Variants in SZT2 observed in about 807,000 individuals in gnomAD.
SZT2 encodes KICSTOR complex protein SZT2.
A neutral mutation model predicts 404.2 loss-of-function variants in SZT2; 216 were observed. The observed-to-expected ratio is 0.53, with a 90% CI of 0.48 to 0.60. SZT2 has a LOEUF of 0.60. Ranked by LOEUF, SZT2 falls within the 20% of genes least tolerant of loss-of-function variation. SZT2 has a pLI of 0.00. For synonymous variants in SZT2, 1,693 were observed against 1,749.9 expected, an observed-to-expected ratio of 0.97 and a Z score of 0.81; for missense variants, 3,857 against 4,459.2, an observed-to-expected ratio of 0.86 and a Z score of 3.85.
At chr1:43,444,019 C>G (rs1655396426) in intron 62 of SZT2, among the ~76,000 whole-genome samples, 2 of 152,336 alleles carry the variant, frequency 1.3e-5, no homozygotes, top group South Asian at 4.1e-4. Context: ...CATGATGACA[C>G]TCATACAAAA....
At chr1:43,421,124 C>A in intron 10 of SZT2, 50 bp from the exon 11 acceptor site, 1 of 1,597,334 alleles carries the variant, frequency 6.3e-7, no homozygotes, top group Non-Finnish European at 8.5e-7. Flanking sequence ...CTCCCCTCAT[C>A]TGCACCCAGC....
At chr1:43,401,803 A>G (rs550287861) in intron 1 of SZT2, among the ~76,000 whole-genome samples, 9 of 151,900 alleles carry the variant, frequency 5.9e-5, no homozygotes, top group Admixed American at 3.9e-4. Flanking sequence ...TTTCTTTTAC[A>G]TAGTACTTTT....
Position 43,442,925 on chromosome 1 carries a change from G to A in SZT2, c.8258G>A (p.Gly2753Asp), listed in dbSNP as rs752993966. The A allele has an allele frequency of 3.8e-5, 62 of 1,614,008 alleles. 1 individual carries two copies. The highest frequency in any genetic ancestry group is 4.7e-5 in the Non-Finnish European group (56 of 1,180,002). ...EQGRLSGSSR[G>D]GGPLPLDTFP... is the part of the protein sequence containing the mutation. ...GGCCGACTGAGTGGGTCCTCTCGTGGTGGGGGTCCTCTTCCCCTGGACACA... is the reference window on the plus strand; with the variant it reads ...GGCCGACTGAGTGGGTCCTCTCGTGATGGGGGTCCTCTTCCCCTGGACACA... The change falls in exon 59 of 72, where the codon GGT becomes GAT. Residue 2753 changes from glycine to aspartate, a missense_variant. Transcript: ENST00000634258. This position sits in a 1 kb window ranked among gnomAD's most constrained non-coding sequence, Gnocchi z 4.5.
rs769598200 is a variant in SZT2 at position 43,450,928 on chromosome 1, T to A, written c.*448T>A. The A allele has an allele frequency of 1.2e-5, 9 of 753,922 alleles. No individual in the cohort carries two copies. Among genetic ancestry groups the A allele is most frequent in the Admixed American group, 1.7e-5 (1 of 58,610 alleles). 46.7% of individuals were successfully genotyped at this position (753,922 alleles called of 1,614,324 possible). ...TCACTGCTGGACATTCCCATCGAGA[T>A]GACACCTGGGTTCCAATCCCAGCTC... On this transcript the variant is annotated 3_prime_UTR_variant, in exon 72 of 72. Coordinates refer to ENST00000634258, the MANE Select transcript of SZT2 (RefSeq NM_001365999.1). The surrounding 1 kb of genome is among the most constrained non-coding windows in gnomAD (Gnocchi z 4.3).
intron 51 of SZT2, 29 bp downstream of exon 51, chr1:43,440,077 C>T (rs539986153): frequency 6.2e-7 from 1 of 1,612,886 alleles, no homozygotes; most frequent in East Asian, 2.2e-5. Context: ...CCCTGGGGTC[C>T]AGAGAATGTC....
At position 43,451,434 on chromosome 1, in the gene SZT2, C is replaced by G. The variant is rs369824095; in HGVS notation, c.*954C>G. 13 of 1,613,490 alleles carry G rather than the reference C, an allele frequency of 8.1e-6. No homozygotes were observed. Among genetic ancestry groups the G allele is most frequent in the Admixed American group, 3.3e-5 (2 of 60,008 alleles). On this transcript the variant is annotated 3_prime_UTR_variant, in exon 72 of 72. Coordinates refer to ENST00000634258, the MANE Select transcript of SZT2 (RefSeq NM_001365999.1). Reference sequence around the variant, plus strand: ...CCTCGAGGCTGATACTCACAGCCCACGAAGCCTTTGTAGCCTTCATCTTCC... The same window carrying G: ...CCTCGAGGCTGATACTCACAGCCCAGGAAGCCTTTGTAGCCTTCATCTTCC...
chr1:43,420,098 T>C lies in SZT2; in HGVS notation c.1091-55T>C. On this transcript the variant is annotated intron_variant, in intron 8 of 71. Coordinates refer to ENST00000634258, the MANE Select transcript of SZT2 (RefSeq NM_001365999.1). This position sits in a 1 kb window ranked among gnomAD's most constrained non-coding sequence, Gnocchi z 5.1. ...CAGCATAGCCCCTTCCCCCTACAGATCTGTCAGTTGGCAGATAACCAGTTT... is the reference window on the plus strand; with the variant it reads ...CAGCATAGCCCCTTCCCCCTACAGACCTGTCAGTTGGCAGATAACCAGTTT... The C allele has an allele frequency of 6.3e-7, 1 of 1,587,796 alleles. No homozygotes were observed. The highest frequency in any genetic ancestry group is 1.7e-5 in the Admixed American group (1 of 59,616).
At position 43,452,044 on chromosome 1, in the gene SZT2, C is replaced by A. The variant is rs765107826; in HGVS notation, c.*1564C>A. ...AGCATGTCGGGTGCTGTGAATAGAG[C>A]TCCTTCCCAAGTTTGTCCCCCATCA... On this transcript the variant is annotated 3_prime_UTR_variant, in exon 72 of 72. Coordinates refer to ENST00000634258, the MANE Select transcript of SZT2 (RefSeq NM_001365999.1). 5.7e-6 allele frequency: 9 copies of A among 1,585,450 alleles called. No individual in the cohort carries two copies. The highest frequency in any genetic ancestry group is 7.7e-6 in the Non-Finnish European group (9 of 1,161,996).
intron 1 of SZT2, among the ~76,000 whole-genome samples, chr1:43,397,492 T>C (rs531486892): frequency 2.7e-5 from 4 of 150,914 alleles, no homozygotes; most frequent in Non-Finnish European, 5.9e-5. Flanking sequence ...TTCAGACTTA[T>C]ACAGGAAACA....
intron 51 of SZT2, 112 bp downstream of exon 51, chr1:43,440,160 A>G (rs1654911432): frequency 2.1e-6 from 3 of 1,411,264 alleles, no homozygotes; most frequent in African/African-American, 1.4e-5. Context: ...TCAGAGAACT[A>G]CTACATCAGA....
intron 1 of SZT2, among the ~76,000 whole-genome samples, chr1:43,394,403 T>C (rs572592093): frequency 6.6e-6 from 1 of 152,186 alleles, no homozygotes; most frequent in South Asian, 2.1e-4. Context: ...ATTCAGTTGG[T>C]CTGGGGTGGT....
At position 43,452,759 on chromosome 1, in the gene SZT2, C is replaced by G; in HGVS notation, c.*2279C>G. 1 of 798,912 alleles carries G rather than the reference C, an allele frequency of 1.3e-6. No individual in the cohort carries two copies. The highest frequency in any genetic ancestry group is 1.7e-5 in the South Asian group (1 of 60,592). 49.5% of individuals were successfully genotyped at this position (798,912 alleles called of 1,614,324 possible). A position where few individuals can be genotyped will look rare whatever the true frequency, so the allele number is the denominator to read the frequency against. On this transcript the variant is annotated 3_prime_UTR_variant, in exon 72 of 72. Transcript: ENST00000634258. The stretch of plus-strand genomic sequence containing the variant: ...AGTGATCCCCTCTTGCCAGTTCCTT[C>G]TGAGCCTGTTTGGCCTCTGCAGGAT...
intron 4 of SZT2, among the ~76,000 whole-genome samples, chr1:43,413,586 TGTG>T (rs1651332220): frequency 2.0e-5 from 3 of 151,978 alleles, no homozygotes; most frequent in Admixed American, 2.0e-4. Flanking sequence ...ATAAAGAAAA[TGTG>T]GTACATATAT....
rs369851351 is a variant in SZT2, at chr1:43,423,143, C to A, written c.2082C>A (p.Pro694=). The A allele has an allele frequency of 6.3e-7, 1 of 1,596,680 alleles. No homozygotes were observed. The highest frequency in any genetic ancestry group is 1.3e-5 in the African/African-American group (1 of 74,860). Residue 694 remains proline (P), a synonymous_variant, in exon 15 of 72, where the codon CCC becomes CCA. Transcript: ENST00000634258. ...AAGAGATCCTGCGGCTGCGTTTCCCCCACCGGGTACAAAGCAAGGAGCCAA... is the reference window on the plus strand; with the variant it reads ...AAGAGATCCTGCGGCTGCGTTTCCCACACCGGGTACAAAGCAAGGAGCCAA... ...LREEILRLRF[P]HRVQSKEPTP...
At position 43,442,572 on chromosome 1, in the gene SZT2, T is replaced by A; in HGVS notation, c.8105T>A (p.Leu2702His). The A allele has an allele frequency of 6.2e-7, 1 of 1,613,312 alleles. No homozygotes were observed. The highest frequency in any genetic ancestry group is 8.5e-7 in the Non-Finnish European group (1 of 1,179,510). Residue 2702 changes from leucine (L) to histidine (H), a missense_variant, in exon 58 of 72, where the codon CTC (leucine) becomes CAC (histidine). This residue lies in a region of SZT2 where 573 missense variants were observed against 592.4 expected (regional missense o/e 0.97). Coordinates refer to ENST00000634258, the MANE Select transcript of SZT2 (RefSeq NM_001365999.1). The surrounding 1 kb of genome is among the most constrained non-coding windows in gnomAD (Gnocchi z 4.5). ...TGCCTACTCAGCCAGAAGCTTGGCC[T>A]CTTCCATCATTATGGCCAGTTGGAC... ...IFCLLSQKLG[L>H]FHHYGQLDFP...
At position 43,420,301 on chromosome 1, in the gene SZT2, C is replaced by A; in HGVS notation, c.1239C>A (p.Val413=). Residue 413 remains valine, a synonymous_variant, in exon 9 of 72, where the codon GTC becomes GTA. Transcript: ENST00000634258. This position sits in a 1 kb window ranked among gnomAD's most constrained non-coding sequence, Gnocchi z 5.1. The part of the protein sequence containing the change: ...VSVRLREGYS[V]REVTLAKGGS... ...TACGGCTTCGAGAGGGCTACAGTGT[C>A]CGAGAGGTCACACTGGCCAAAGGTA... 6.3e-7 allele frequency: 1 copy of A among 1,595,784 alleles called. No individual in the cohort carries two copies. Among genetic ancestry groups the A allele is most frequent in the South Asian group, 1.1e-5 (1 of 90,656 alleles).
rs386366817 is a variant in SZT2, at chr1:43,411,769, CT to C, written c.499-3286del. On this transcript the variant is annotated intron_variant, in intron 4 of 71. Transcript: ENST00000634258. Reference sequence around the variant, plus strand: ...TAGAGCAGAAAAGTTCATCCACTATCTTTTTTTTTTTTTTTTTTTTTTTTTT... The same window carrying C: ...TAGAGCAGAAAAGTTCATCCACTATCTTTTTTTTTTTTTTTTTTTTTTTTT... 6.7e-3 allele frequency among the ~76,000 whole-genome samples: 496 copies of C among 74,018 alleles called. 1 individual carries two copies. The highest frequency in any genetic ancestry group is 0.017 in the African/African-American group (271 of 15,896). The allele number at this position is 74,018 out of a possible 152,430, so 48.6% of individuals were successfully genotyped here. A position where few individuals can be genotyped will look rare whatever the true frequency, so the allele number is the denominator to read the frequency against.
chr1:43,397,825 G>A (rs186759880), intron 1 of SZT2, among the ~76,000 whole-genome samples: 25 of 152,198 alleles, frequency 1.6e-4, no homozygotes, highest in African/African-American at 6.0e-4. Flanking sequence ...CACTACGCCC[G>A]GCCCCTACAA....
chr1:43,439,108 A>G lies in SZT2; in HGVS notation c.6792+15A>G, dbSNP rs138723430. ...ACCACTTCCAAGTGAGATGGCACTC[A>G]TCTCTCTCCACACTCATGTGCACCC... is the stretch of plus-strand genomic sequence containing the variant. On this transcript the variant is annotated intron_variant, in intron 48 of 71. Coordinates refer to ENST00000634258, the MANE Select transcript of SZT2 (RefSeq NM_001365999.1). This position sits in a 1 kb window ranked among gnomAD's most constrained non-coding sequence, Gnocchi z 4.2. 3 of 1,613,762 alleles carry G rather than the reference A, an allele frequency of 1.9e-6. No individual in the cohort carries two copies. The African/African-American group carries it at 4.0e-5, about 22-fold the overall frequency.
Sources: gnomAD v4.1 joint callset for allele counts (sites outside exome capture counted in the v4.1 genomes callset) on GRCh38, gnomAD v4.1.1 for gene constraint, gnomAD v4.1.1 regional missense constraint, Gnocchi (gnomAD v3.1) non-coding constraint, MANE v1.5 for transcripts, NCBI Gene and HGNC (gene_info 2026-07-23, HGNC 2026-07-21) for gene names.